SHISA9: variants seen among roughly 807,000 people sequenced by gnomAD.
SHISA9 encodes shisa family member 9, also known as protein shisa-9.
A neutral mutation model predicts 38.0 loss-of-function variants in SHISA9; 13 were observed. The ratio of observed to expected loss-of-function variants is 0.34; its 90% CI spans 0.22 to 0.54. The LOEUF (loss-of-function observed/expected upper bound fraction) is 0.54, where lower values mean the gene tolerates loss of function less well. Among genes scored for constraint, SHISA9 ranks in the 20% least tolerant of loss-of-function variants. The pLI is 0.91. For missense variants in SHISA9, 538 were observed against 575.8 expected (o/e 0.93, Z 0.67); for synonymous variants, 275 against 242.0 (o/e 1.14, Z -1.27).
At chr16:13,492,254 G>T in the SHISA9 span, among the ~76,000 whole-genome samples, 1 of 152,132 alleles carries the variant, frequency 6.6e-6, no homozygotes, top group Non-Finnish European at 1.5e-5. Flanking sequence ...GGGAAAATGT[G>T]CTGGAGCCTC....
At chr16:13,452,964 AGT>A in the SHISA9 span, among the ~76,000 whole-genome samples, 1 of 151,934 alleles carries the variant, frequency 6.6e-6, no homozygotes, top group African/African-American at 2.4e-5. Context: ...GCTGGAGTGC[AGT>A]GGCGCAATCT....
chr16:13,400,425 G>A, the SHISA9 span, among the ~76,000 whole-genome samples: 14 of 152,100 alleles, frequency 9.2e-5, no homozygotes, highest in African/African-American at 2.7e-4. Flanking sequence ...CTTTGCATCT[G>A]AATCTTTACC....
chr16:13,561,770 T>C, the SHISA9 span, among the ~76,000 whole-genome samples: 1 of 151,342 alleles, frequency 6.6e-6, no homozygotes, highest in African/African-American at 2.4e-5. Flanking sequence ...TGGAATAGAG[T>C]AGATGGTAAA....
intron 2 of SHISA9, among the ~76,000 whole-genome samples, chr16:13,030,855 ACCCCTT>A (rs2072982327): frequency 6.6e-6 from 1 of 152,124 alleles, no homozygotes. Flanking sequence ...AATCCCAAGG[ACCCCTT>A]CATGGCCAAA....
At chr16:13,185,042 A>G (rs966216907) in intron 2 of SHISA9, among the ~76,000 whole-genome samples, 2 of 152,224 alleles carry the variant, frequency 1.3e-5, no homozygotes, top group African/African-American at 2.4e-5. Context: ...TACCAACAGC[A>G]AGGTGCAAGA....
the SHISA9 span, among the ~76,000 whole-genome samples, chr16:13,472,241 G>C: frequency 6.6e-6 from 1 of 151,960 alleles, no homozygotes; most frequent in East Asian, 1.9e-4. Flanking sequence ...ATCTAAACTA[G>C]CTCTGAAATT....
chr16:13,290,754 G>C, the SHISA9 span, among the ~76,000 whole-genome samples: 1 of 152,150 alleles, frequency 6.6e-6, no homozygotes, highest in Non-Finnish European at 1.5e-5. Flanking sequence ...GCATGAGCTA[G>C]AGTCACACAA....
At chr16:13,005,434 T>C (rs904918538) in intron 2 of SHISA9, among the ~76,000 whole-genome samples, 1 of 152,174 alleles carries the variant, frequency 6.6e-6, no homozygotes, top group Non-Finnish European at 1.5e-5. Context: ...TAGGGATGCA[T>C]GCTCATTTTA....
intron 2 of SHISA9, among the ~76,000 whole-genome samples, chr16:12,926,244 T>C (rs1175724558): frequency 6.6e-6 from 1 of 152,226 alleles, no homozygotes; most frequent in East Asian, 1.9e-4. Context: ...CTAAAGGACC[T>C]ATACTGGGCG....
chr16:13,176,073 T>A (rs1345124664), intron 2 of SHISA9, among the ~76,000 whole-genome samples: 1 of 152,190 alleles, frequency 6.6e-6, no homozygotes, highest in Non-Finnish European at 1.5e-5. Context: ...ACTTTAAATA[T>A]CTTTTTTATA....
intron 2 of SHISA9, among the ~76,000 whole-genome samples, chr16:12,962,588 C>G (rs1301647805): frequency 2.0e-5 from 3 of 152,176 alleles, no homozygotes; most frequent in Non-Finnish European, 4.4e-5. Flanking sequence ...CCCTGTCTGC[C>G]CCATTGGGAC....
chr16:13,290,781 C>G, the SHISA9 span, among the ~76,000 whole-genome samples: 1 of 152,124 alleles, frequency 6.6e-6, no homozygotes, highest in African/African-American at 2.4e-5. Flanking sequence ...ACTCTTAGAA[C>G]TGAAAGGGGC....
the SHISA9 span, among the ~76,000 whole-genome samples, chr16:13,558,628 T>C: frequency 3.3e-5 from 5 of 152,220 alleles, no homozygotes; most frequent in African/African-American, 9.6e-5. Flanking sequence ...GCAACACTTA[T>C]CCAACACATG....
At chr16:13,549,516 C>G in the SHISA9 span, among the ~76,000 whole-genome samples, 2 of 151,956 alleles carry the variant, frequency 1.3e-5, no homozygotes, top group African/African-American at 4.8e-5. Flanking sequence ...AGTGTAAGAT[C>G]TTTCAGAAAA....
At chr16:12,974,922 C>T (rs915836269) in intron 2 of SHISA9, among the ~76,000 whole-genome samples, 5 of 152,048 alleles carry the variant, frequency 3.3e-5, no homozygotes, top group Admixed American at 2.6e-4. Context: ...GTATCTATAT[C>T]TATCTCTCTA....
chr16:13,537,310 C>T, the SHISA9 span, among the ~76,000 whole-genome samples: 2 of 151,828 alleles, frequency 1.3e-5, no homozygotes, highest in Admixed American at 6.5e-5. Context: ...TGCCTGTAAT[C>T]CCAGCTACTC....
the SHISA9 span, among the ~76,000 whole-genome samples, chr16:13,504,865 T>C: frequency 3.3e-5 from 5 of 152,186 alleles, no homozygotes; most frequent in African/African-American, 9.7e-5. Flanking sequence ...TTACTCAAGA[T>C]CACGTTGATG....
chr16:13,295,054 G>T, the SHISA9 span, among the ~76,000 whole-genome samples: 2 of 152,054 alleles, frequency 1.3e-5, no homozygotes, highest in Admixed American at 1.3e-4. Context: ...AGAAAGGTTT[G>T]GTACCTTGTC....
chr16:13,027,585 C>T (rs550979674), intron 2 of SHISA9, among the ~76,000 whole-genome samples: 1 of 152,158 alleles, frequency 6.6e-6, no homozygotes, highest in Admixed American at 6.5e-5. Context: ...GTGGTACATC[C>T]ACACAATGGA....
Sources: allele counts gnomAD v4.1 joint callset (sites outside exome capture counted in the v4.1 genomes callset), GRCh38; gene constraint gnomAD v4.1.1; transcripts MANE v1.5; gene names NCBI Gene and HGNC (gene_info 2026-07-23, HGNC 2026-07-21).